Variants in MICU3 observed in about 807,000 individuals in gnomAD.
MICU3 encodes calcium uptake protein 3, mitochondrial.
In MICU3, 62 loss-of-function variants were observed where a neutral mutation model predicts 66.5. The observed-to-expected ratio is 0.93, with a 90% CI of 0.76 to 1.15. The LOEUF (loss-of-function observed/expected upper bound fraction) is 1.15. Ranked by LOEUF, MICU3 falls within the 50% of genes most tolerant of loss-of-function variation. MICU3 has a pLI of 0.00. For missense variants in MICU3, 779 were observed against 664.4 expected (o/e 1.17, Z -1.90); for synonymous variants, 308 against 240.7 (o/e 1.28, Z -2.59).
intron 1 of MICU3, among the ~76,000 whole-genome samples, chr8:17,042,159 C>G (rs546760431): frequency 4.3e-4 from 65 of 152,124 alleles, no homozygotes; most frequent in Non-Finnish European, 7.2e-4. Flanking sequence ...TTGTATAAAC[C>G]TTAGTAATCT....
At chr8:17,031,327 G>C (rs558285538) in intron 1 of MICU3, among the ~76,000 whole-genome samples, 1 of 148,172 alleles carries the variant, frequency 6.7e-6, no homozygotes, top group Non-Finnish European at 1.5e-5. Flanking sequence ...TCGCTCTATC[G>C]CTCAGGCTGG....
intron 7 of MICU3, among the ~76,000 whole-genome samples, chr8:17,087,412 C>T (rs551382792): frequency 6.6e-6 from 1 of 151,882 alleles, no homozygotes; most frequent in East Asian, 1.9e-4. Context: ...AGGTGACTGT[C>T]GAAACGAATA....
intron 1 of MICU3, 117 bp downstream of exon 1, chr8:17,027,777 C>T: frequency 8.3e-7 from 1 of 1,198,734 alleles, no homozygotes; most frequent in Non-Finnish European, 1.0e-6. Flanking sequence ...TGAGGAACTT[C>T]CCGTGAGCGA....
intron 1 of MICU3, among the ~76,000 whole-genome samples, chr8:17,041,271 TAA>T (rs398067626): frequency 4.4e-5 from 6 of 135,372 alleles, no homozygotes; most frequent in South Asian, 2.3e-4. Flanking sequence ...CAAGACAGGT[TAA>T]AAAAAAAAAA....
At chr8:17,091,870 GT>G (rs550848783) in intron 8 of MICU3, among the ~76,000 whole-genome samples, 2 of 151,396 alleles carry the variant, frequency 1.3e-5, no homozygotes, top group African/African-American at 2.4e-5. Context: ...CTTTATGGGG[GT>G]TTTTTTTGTT....
At chr8:17,111,037 G>T (rs1585549723) in intron 11 of MICU3, among the ~76,000 whole-genome samples, 1 of 152,156 alleles carries the variant, frequency 6.6e-6, no homozygotes. Flanking sequence ...TTTGGCTGTT[G>T]TGAGTAGTGC....
chr8:17,030,987 A>G (rs1351319136), intron 1 of MICU3, among the ~76,000 whole-genome samples: 1 of 151,896 alleles, frequency 6.6e-6, no homozygotes, highest in Non-Finnish European at 1.5e-5. Flanking sequence ...TTACCTTTTT[A>G]TACTCCTTTA....
chr8:17,051,896 G>A (rs538015856), intron 1 of MICU3, among the ~76,000 whole-genome samples: 2 of 152,194 alleles, frequency 1.3e-5, no homozygotes, highest in South Asian at 2.1e-4. Flanking sequence ...TAAATAGAGA[G>A]GAGGGACAGG....
chr8:17,078,988 T>C (rs1257924295), intron 4 of MICU3, among the ~76,000 whole-genome samples: 3 of 152,144 alleles, frequency 2.0e-5, no homozygotes, highest in African/African-American at 7.2e-5. Context: ...ATTTCAAACA[T>C]TTTTCTTAAT....
chr8:17,122,686 T>A (rs1262206389), downstream of MICU3: 1 of 152,028 alleles, frequency 6.6e-6, no homozygotes, highest in Non-Finnish European at 1.5e-5. Flanking sequence ...TAATAATGAC[T>A]TTCTGAAAAT....
At chr8:17,074,544 A>G (rs1041303924) in intron 3 of MICU3, among the ~76,000 whole-genome samples, 2 of 151,968 alleles carry the variant, frequency 1.3e-5, no homozygotes, top group African/African-American at 2.4e-5. Flanking sequence ...CAAAAATACT[A>G]TAGAAATATG....
downstream of MICU3, among the ~76,000 whole-genome samples, chr8:17,123,063 T>C (rs1305494575): frequency 6.6e-6 from 1 of 152,068 alleles, no homozygotes; most frequent in East Asian, 1.9e-4. Context: ...TTCCAAAAGA[T>C]ATAAAAATAT....
the MICU3 span, among the ~76,000 whole-genome samples, chr8:17,136,947 G>C: frequency 6.6e-6 from 1 of 150,878 alleles, no homozygotes; most frequent in Non-Finnish European, 1.5e-5. Context: ...TGATTCTCCT[G>C]CCTCAGCCTC....
At chr8:17,124,966 T>G (rs1193135183), downstream of MICU3, among the ~76,000 whole-genome samples, 2 of 152,154 alleles carry the variant, frequency 1.3e-5, no homozygotes, top group African/African-American at 4.8e-5. Context: ...GTCTTTTGCT[T>G]GATGTTTGTG....
intron 11 of MICU3, among the ~76,000 whole-genome samples, chr8:17,113,417 T>G (rs1218961696): frequency 2.6e-5 from 4 of 152,218 alleles, no homozygotes; most frequent in African/African-American, 9.7e-5. Flanking sequence ...GTAACAGCAG[T>G]GGCAATAATT....
At chr8:17,037,359 T>C (rs1813215533) in intron 1 of MICU3, among the ~76,000 whole-genome samples, 1 of 152,210 alleles carries the variant, frequency 6.6e-6, no homozygotes, top group African/African-American at 2.4e-5. Flanking sequence ...CTGTGAAGAC[T>C]GCCAGCACGC....
chr8:17,048,987 C>T (rs576167714), intron 1 of MICU3, among the ~76,000 whole-genome samples: 1 of 152,258 alleles, frequency 6.6e-6, no homozygotes, highest in Admixed American at 6.5e-5. Context: ...ATTATGGATC[C>T]ATGCAAATAA....
At chr8:17,129,672 G>C in the MICU3 span, among the ~76,000 whole-genome samples, 1 of 152,150 alleles carries the variant, frequency 6.6e-6, no homozygotes, top group African/African-American at 2.4e-5. Context: ...ACACAAAACA[G>C]ACTACTGTAA....
intron 1 of MICU3, among the ~76,000 whole-genome samples, chr8:17,045,041 C>T (rs1054868036): frequency 2.0e-5 from 3 of 151,424 alleles, no homozygotes; most frequent in East Asian, 1.9e-4. Flanking sequence ...AAAACCAGGG[C>T]TCTTTTTTTT....
Sources: gnomAD v4.1 joint callset for allele counts (sites outside exome capture counted in the v4.1 genomes callset) on GRCh38, gnomAD v4.1.1 for gene constraint, MANE v1.5 for transcripts, NCBI Gene and HGNC (gene_info 2026-07-23, HGNC 2026-07-21) for gene names.